The following MOSPD2 variants were observed in gnomAD, a reference collection of about 807,000 sequenced individuals.
The protein encoded by MOSPD2 is motile sperm domain containing 2.
In MOSPD2, 5 loss-of-function variants were observed where a neutral mutation model predicts 41.7. The observed-to-expected ratio is 0.12, with a 90% confidence interval of 0.06 to 0.25. The LOEUF (loss-of-function observed/expected upper bound fraction) is 0.25. MOSPD2 is among the 10% of genes least tolerant of loss of function. The pLI is 1.00. For missense variants in MOSPD2, 282 were observed against 375.2 expected (o/e 0.75, Z 2.05); for synonymous variants, 115 against 126.9 (o/e 0.91, Z 0.63).
chrX:14,884,183 A>C (rs1202875129), intron 2 of MOSPD2, among the ~76,000 whole-genome samples: 2 of 111,643 alleles, frequency 1.8e-5, no homozygotes, highest in Non-Finnish European at 3.8e-5. Flanking sequence ...AAAAAAAAAA[A>C]CTACTTGTCT....
intron 7 of MOSPD2, among the ~76,000 whole-genome samples, chrX:14,905,920 T>G (rs1330180733): frequency 8.9e-6 from 1 of 111,895 alleles, no homozygotes; most frequent in Non-Finnish European, 1.9e-5. Context: ...TATTTTTTAA[T>G]ATTTTCAATT....
intron 7 of MOSPD2, among the ~76,000 whole-genome samples, chrX:14,904,060 A>AT (rs1361772876): frequency 1.8e-5 from 2 of 112,229 alleles, no homozygotes; most frequent in Non-Finnish European, 3.8e-5. Context: ...TCACTGGTAA[A>AT]TTATGTGAAA....
chrX:14,899,990 A>C (rs865778879), intron 5 of MOSPD2, among the ~76,000 whole-genome samples: 3 of 111,947 alleles, frequency 2.7e-5, no homozygotes, highest in South Asian at 7.3e-4. Flanking sequence ...AAACTAAAAA[A>C]CTAATTCTAG....
rs371827128 is a variant in MOSPD2, at chrX:14,921,024, C to T, written c.*1215C>T. On this transcript the variant is annotated 3_prime_UTR_variant, in exon 15 of 15. Transcript: ENST00000380492. ...TGCCTTTGATATGGTAGTACCCACCCGGTATTCCTAAAATCCTAAAAAGAT... is the reference window on the plus strand; with the variant it reads ...TGCCTTTGATATGGTAGTACCCACCTGGTATTCCTAAAATCCTAAAAAGAT... The T allele has an allele frequency of 4.2e-5, 32 of 761,292 alleles. No individual in the cohort carries two copies. In the East Asian group the frequency reaches 8.3e-4, roughly 20 times the overall value. 62.7% of individuals were successfully genotyped at this position (761,292 alleles called of 1,213,427 possible).
chrX:14,873,639 A>T, intron 1 of MOSPD2, 50 bp from the exon 2 acceptor site: 1 of 1,201,552 alleles, frequency 8.3e-7, no homozygotes, highest in Non-Finnish European at 1.1e-6. Context: ...GTTGAGGGTA[A>T]GCGGGTTGAT....
At chrX:14,901,127 A>G (rs759112729) in intron 6 of MOSPD2, among the ~76,000 whole-genome samples, 1 of 112,015 alleles carries the variant, frequency 8.9e-6, no homozygotes, top group Non-Finnish European at 1.9e-5. Flanking sequence ...ACTTGACTAG[A>G]AGGTACTACA....
Position 14,920,517 on chromosome X carries a change from G to A in MOSPD2, c.*708G>A, listed in dbSNP as rs995928075. On this transcript the variant is annotated 3_prime_UTR_variant, in exon 15 of 15. Coordinates refer to ENST00000380492, the MANE Select transcript of MOSPD2 (RefSeq NM_152581.4). ...CGTGGTTGGAATTTCTTTGAATTCT[G>A]TTAGTAATGCCCAAAAGAAAAGTCT... The A allele has an allele frequency of 2.4e-5, 18 of 751,929 alleles. No homozygotes were observed. The African/African-American group carries it at 4.2e-4, about 17-fold the overall frequency. 62.0% of individuals were successfully genotyped at this position (751,929 alleles called of 1,213,427 possible). A position where few individuals can be genotyped will look rare whatever the true frequency, so the allele number is the denominator to read the frequency against.
chrX:14,874,119 G>A lies in MOSPD2; in HGVS notation c.79+361G>A, dbSNP rs193211499. On this transcript the variant is annotated intron_variant, in intron 2 of 14. Transcript: ENST00000380492. ...TTTCACCAGCAACACTAGCGAAAAT[G>A]TACCTGGAAACTGCCATAATACTAT... 437 of 235,945 alleles carry A rather than the reference G, an allele frequency of 1.9e-3. 1 individual carries two copies. The highest frequency in any genetic ancestry group is 9.9e-3 in the African/African-American group (353 of 35,763). 19.4% of individuals were successfully genotyped at this position (235,945 alleles called of 1,213,427 possible). A position where few individuals can be genotyped will look rare whatever the true frequency, so the allele number is the denominator to read the frequency against.
chrX:14,921,588 G>C lies in MOSPD2; in HGVS notation c.*1779G>C. On this transcript the variant is annotated 3_prime_UTR_variant, in exon 15 of 15. Coordinates refer to ENST00000380492, the MANE Select transcript of MOSPD2 (RefSeq NM_152581.4). ...AAGATTGAAAATGTATTGTCCTAAC[G>C]GTGTCCCTTTAATGTTTCATATGAA... 3.1e-6 allele frequency: 1 copy of C among 320,948 alleles called. No individual in the cohort carries two copies. The highest frequency in any genetic ancestry group is 5.0e-6 in the Non-Finnish European group (1 of 198,576). The allele number at this position is 320,948 out of a possible 1,213,427, so 26.4% of individuals were successfully genotyped here.
intron 11 of MOSPD2, 99 bp downstream of exon 11, chrX:14,914,698 T>C (rs1320395415): frequency 8.1e-6 from 4 of 491,458 alleles, no homozygotes; most frequent in Non-Finnish European, 1.3e-5. Context: ...TTTGAACTTG[T>C]ACAGTGTTTT....
At chrX:14,888,214 A>G (rs911007661) in intron 2 of MOSPD2, among the ~76,000 whole-genome samples, 4 of 89,373 alleles carry the variant, frequency 4.5e-5, no homozygotes, top group African/African-American at 1.9e-4. Flanking sequence ...ACGCACACAC[A>G]CACACACACA....
At chrX:14,873,947 G>T in intron 2 of MOSPD2, 189 bp downstream of exon 2, 1 of 465,290 alleles carries the variant, frequency 2.1e-6, no homozygotes, top group Non-Finnish European at 3.8e-6. Context: ...TGGTCAAGTG[G>T]TGTGTCCCAT....
chrX:14,894,706 G>T (rs2092560001), intron 3 of MOSPD2, among the ~76,000 whole-genome samples: 1 of 110,626 alleles, frequency 9.0e-6, no homozygotes. Context: ...ATACTCCCGT[G>T]TTGGCCTCCC....
chrX:14,921,296 T>C lies in MOSPD2; in HGVS notation c.*1487T>C, dbSNP rs182312355. ...TGAGTTATGAAGAATGATATAACAGTTCCTTCAAAATTGGCCTAGGAAATA... is the reference window on the plus strand; with the variant it reads ...TGAGTTATGAAGAATGATATAACAGCTCCTTCAAAATTGGCCTAGGAAATA... On this transcript the variant is annotated 3_prime_UTR_variant, in exon 15 of 15. Coordinates refer to ENST00000380492, the MANE Select transcript of MOSPD2 (RefSeq NM_152581.4). 4 of 932,056 alleles carry C rather than the reference T, an allele frequency of 4.3e-6. No individual in the cohort carries two copies. The East Asian group carries it at 1.7e-4, about 39-fold the overall frequency. 76.8% of individuals were successfully genotyped at this position (932,056 alleles called of 1,213,427 possible).
intron 2 of MOSPD2, chrX:14,874,066 T>C: frequency 3.1e-6 from 1 of 327,395 alleles, no homozygotes; most frequent in Non-Finnish European, 5.4e-6. Flanking sequence ...CGGGTGACAT[T>C]GTCCAGTCCA....
In MOSPD2 at chrX:14,912,378, T is replaced by C. The variant is rs1342052556; in HGVS notation, c.992+17T>C. 1 of 994,388 alleles carries C rather than the reference T, an allele frequency of 1.0e-6. No individual in the cohort carries two copies. Among genetic ancestry groups the C allele is most frequent in the Non-Finnish European group, 1.4e-6 (1 of 738,264 alleles). The allele number at this position is 994,388 out of a possible 1,213,427, so 81.9% of individuals were successfully genotyped here. The stretch of plus-strand genomic sequence containing the variant: ...ACACATCAGGTAATCGTCAAAGATT[T>C]TATTAGCTATAATTTTATAACATAT... On this transcript the variant is annotated intron_variant, in intron 10 of 14. Transcript: ENST00000380492.
At chrX:14,903,058 C>T (rs779474196) in intron 7 of MOSPD2, 54 bp downstream of exon 7, 33 of 802,994 alleles carry the variant, frequency 4.1e-5, no homozygotes, top group African/African-American at 3.3e-4. Flanking sequence ...TTTACTTTGC[C>T]GATTTAGCCA....
intron 7 of MOSPD2, 92 bp from the exon 8 acceptor site, chrX:14,908,768 C>G: frequency 1.1e-5 from 9 of 848,179 alleles, no homozygotes; most frequent in African/African-American, 2.0e-5. Flanking sequence ...ATAGCCCAAA[C>G]TGATTTCAGA....
Position 14,921,717 on chromosome X carries a change from GGATTACTGAAAATTCACT to G in MOSPD2, c.*1909_*1926del. The G allele has an allele frequency of 6.1e-6, 1 of 163,538 alleles. No homozygotes were observed. The allele number at this position is 163,538 out of a possible 1,213,427, so 13.5% of individuals were successfully genotyped here. The stretch of plus-strand genomic sequence containing the variant: ...TGTGTCTATTAAATGTGACTAAGCA[GGATTACTGAAAATTCACT>G]ATAAAATCAAAGGCATCTAAACGTT... On this transcript the variant is annotated 3_prime_UTR_variant, in exon 15 of 15. Coordinates refer to ENST00000380492, the MANE Select transcript of MOSPD2 (RefSeq NM_152581.4).
Sources: allele counts gnomAD v4.1 joint callset (sites outside exome capture counted in the v4.1 genomes callset), GRCh38; gene constraint gnomAD v4.1.1; transcripts MANE v1.5; gene names NCBI Gene and HGNC (gene_info 2026-07-23, HGNC 2026-07-21).